BAIAP2: variants seen among roughly 807,000 people sequenced by gnomAD.
The protein encoded by BAIAP2 is BAR/IMD domain-containing adapter protein 2.
BAIAP2 carries 18 observed loss-of-function variants against 63.0 expected under a neutral mutation model. That is an observed-to-expected ratio of 0.29 (90% CI 0.20 to 0.42). BAIAP2 has a LOEUF of 0.42. Ranked by LOEUF, BAIAP2 falls within the 10% of genes least tolerant of loss-of-function variation. The pLI, the probability that BAIAP2 is intolerant of heterozygous loss-of-function variation, is 1.00. For missense variants in BAIAP2, 610 were observed against 734.3 expected (o/e 0.83, Z 1.96); for synonymous variants, 386 against 307.6 (o/e 1.25, Z -2.67).
chr17:81,095,485 C>T (rs1320888220), intron 6 of BAIAP2, among the ~76,000 whole-genome samples: 4 of 152,184 alleles, frequency 2.6e-5, no homozygotes, highest in Non-Finnish European at 4.4e-5. Flanking sequence ...CAGTCGTGGC[C>T]TCTCTGTATG....
intron 3 of BAIAP2, among the ~76,000 whole-genome samples, chr17:81,072,746 C>A (rs1325876227): frequency 6.6e-6 from 1 of 152,040 alleles, no homozygotes; most frequent in Non-Finnish European, 1.5e-5. Flanking sequence ...TTTTCCTGAC[C>A]TCTTCGCCCA....
At chr17:81,051,046 C>T (rs985981411) in intron 1 of BAIAP2, among the ~76,000 whole-genome samples, 1 of 151,862 alleles carries the variant, frequency 6.6e-6, no homozygotes, top group Non-Finnish European at 1.5e-5. Context: ...TTCTCCTGGG[C>T]GCCAGACCTA....
Position 81,074,527 on chromosome 17 carries a change from G to A in BAIAP2, c.218-10305G>A, listed in dbSNP as rs527518651. Reference sequence around the variant, plus strand: ...GTGCATGGATGCGTACGAGTTGCCTGTGTGTGTGCACGTGCACAGATGTGT... The same window carrying A: ...GTGCATGGATGCGTACGAGTTGCCTATGTGTGTGCACGTGCACAGATGTGT... On this transcript the variant is annotated intron_variant, in intron 3 of 13. Transcript: ENST00000428708. Among the ~76,000 whole-genome samples, 12 of 151,544 alleles carry A rather than the reference G, an allele frequency of 7.9e-5. 1 individual carries two copies. The highest frequency in any genetic ancestry group is 1.2e-4 in the Non-Finnish European group (8 of 67,906).
chr17:81,074,426 G>T (rs527943118), intron 3 of BAIAP2, among the ~76,000 whole-genome samples: 2 of 112,106 alleles, frequency 1.8e-5, no homozygotes, highest in African/African-American at 5.5e-5. Context: ...GTGTGAGTAC[G>T]TGTGTGTATG....
Position 81,057,973 on chromosome 17 carries a change from A to AGGGGG in BAIAP2, c.217+6_217+7insGGGGG. 2.6e-6 allele frequency: 2 copies of AGGGGG among 764,936 alleles called. No individual in the cohort carries two copies. Among genetic ancestry groups the AGGGGG allele is most frequent in the Non-Finnish European group, 3.4e-6 (2 of 586,532 alleles). The allele number at this position is 764,936 out of a possible 1,614,324, so 47.4% of individuals were successfully genotyped here. ...CCAGGGCTCCAAAGAACTCGGTGAG[A>AGGGGG]CCCCCCCCCCCCCCCCGCCTGGTAG... On this transcript the variant is annotated splice_region_variant and intron_variant, in intron 3 of 13. Transcript: ENST00000428708.
At chr17:81,044,868 G>A (rs2047586888) in intron 1 of BAIAP2, among the ~76,000 whole-genome samples, 1 of 152,260 alleles carries the variant, frequency 6.6e-6, no homozygotes, top group African/African-American at 2.4e-5. Flanking sequence ...ACAGGCGAAA[G>A]GCAGCCGGAA....
chr17:81,053,559 A>AC, intron 1 of BAIAP2, 109 bp from the exon 2 acceptor site: 2 of 1,165,026 alleles, frequency 1.7e-6, no homozygotes, highest in Non-Finnish European at 2.6e-6. Context: ...TGTGGTGTCG[A>AC]CCCCCAGGAG....
chr17:81,081,460 G>A (rs1026800579), intron 3 of BAIAP2, among the ~76,000 whole-genome samples: 2 of 152,174 alleles, frequency 1.3e-5, no homozygotes, highest in Admixed American at 1.3e-4. Context: ...GGGCCACGTG[G>A]CTGTGGGCCT....
At chr17:81,093,924 GA>G (rs1307480547) in intron 6 of BAIAP2, among the ~76,000 whole-genome samples, 1 of 152,098 alleles carries the variant, frequency 6.6e-6, no homozygotes, top group Non-Finnish European at 1.5e-5. Flanking sequence ...GCTGTCTGTG[GA>G]CAACCCCTCC....
At chr17:81,041,201 C>G (rs2047025422) in intron 1 of BAIAP2, among the ~76,000 whole-genome samples, 1 of 152,238 alleles carries the variant, frequency 6.6e-6, no homozygotes, top group Non-Finnish European at 1.5e-5. Flanking sequence ...CGGGAGGAGT[C>G]TTGCCTGGCC....
intron 6 of BAIAP2, among the ~76,000 whole-genome samples, chr17:81,095,271 A>C (rs769758975): frequency 6.6e-6 from 1 of 152,102 alleles, no homozygotes; most frequent in Non-Finnish European, 1.5e-5. Context: ...GCCAGGTAGG[A>C]GGTACAGACC....
chr17:81,035,195 C>CGCT lies in BAIAP2; in HGVS notation c.-54_-52dup, dbSNP rs1193770820. ...GTCTCCGTCCTGCTGCCGTTACCGC[C>CGCT]GCTGCTGCCGCCGCTTGCGTCCCCC... On this transcript the variant is annotated 5_prime_UTR_variant, in exon 1 of 14. Transcript: ENST00000428708. The CGCT allele has an allele frequency of 4.4e-6, 6 of 1,378,198 alleles. No homozygotes were observed. In the East Asian group the frequency reaches 1.9e-4, roughly 43 times the overall value. 85.4% of individuals were successfully genotyped at this position (1,378,198 alleles called of 1,614,324 possible).
At chr17:81,084,404 C>T (rs753569341) in intron 3 of BAIAP2, among the ~76,000 whole-genome samples, 5 of 152,106 alleles carry the variant, frequency 3.3e-5, no homozygotes, top group Admixed American at 2.0e-4. Context: ...GAGGTTTGTG[C>T]GCTGTGGTGT....
At chr17:81,099,852 C>G in intron 6 of BAIAP2, 76 bp from the exon 7 acceptor site, 2 of 1,529,606 alleles carry the variant, frequency 1.3e-6, no homozygotes, top group South Asian at 2.4e-5. Context: ...TGACTGAGTC[C>G]GTGGGGCTGC....
chr17:81,068,028 G>A (rs369750239), intron 3 of BAIAP2, among the ~76,000 whole-genome samples: 1 of 152,244 alleles, frequency 6.6e-6, no homozygotes, highest in Non-Finnish European at 1.5e-5. Flanking sequence ...CACAGGTGCC[G>A]GCTCAGGAGC....
chr17:81,108,097 A>G, intron 12 of BAIAP2: 2 of 304,940 alleles, frequency 6.6e-6, no homozygotes, highest in Non-Finnish European at 1.2e-5. Flanking sequence ...CAGGCGGAGG[A>G]GTCCCAGGGG....
chr17:81,077,234 A>G (rs1389927091), intron 3 of BAIAP2, among the ~76,000 whole-genome samples: 8 of 152,154 alleles, frequency 5.3e-5, no homozygotes, highest in African/African-American at 1.9e-4. Context: ...GATGCTGACG[A>G]TGCCACAGTT....
intron 8 of BAIAP2, 45 bp downstream of exon 8, chr17:81,103,768 G>A (rs1261583248): frequency 6.3e-7 from 1 of 1,577,116 alleles, no homozygotes. Context: ...TGGGTGGGAG[G>A]GCAGCTTGTT....
Position 81,053,723 on chromosome 17 carries a change from A to G in BAIAP2, c.110A>G (p.Asn37Ser). ...SLRNFIAMGK[N>S]YEKALAGVTY... ...CGGAACTTCATCGCCATGGGGAAGA[A>G]TTACGAGAAGGCACTGGCAGGTGGA... is the stretch of plus-strand genomic sequence containing the variant. Residue 37 changes from asparagine (N) to serine (S), a missense_variant, in exon 2 of 14, where the codon AAT (asparagine) becomes AGT (serine). Coordinates refer to ENST00000428708, the MANE Select transcript of BAIAP2 (RefSeq NM_001144888.2). The G allele has an allele frequency of 6.2e-7, 1 of 1,613,876 alleles. No homozygotes were observed. Among genetic ancestry groups the G allele is most frequent in the Non-Finnish European group, 8.5e-7 (1 of 1,179,974 alleles).
Sources: gnomAD v4.1 joint callset for allele counts (sites outside exome capture counted in the v4.1 genomes callset) on GRCh38, gnomAD v4.1.1 for gene constraint, MANE v1.5 for transcripts, NCBI Gene and HGNC (gene_info 2026-07-23, HGNC 2026-07-21) for gene names.